Variants in TSPAN15 observed in about 807,000 individuals in gnomAD.
The protein encoded by TSPAN15 is tetraspanin-15.
TSPAN15 carries 20 observed loss-of-function variants against 34.5 expected under a neutral mutation model. The ratio of observed to expected loss-of-function variants is 0.58; its 90% confidence interval spans 0.41 to 0.84. TSPAN15 has a LOEUF of 0.84. Ranked by LOEUF, TSPAN15 falls within the 40% of genes least tolerant of loss-of-function variation. The probability of loss-of-function intolerance (pLI) is 0.00; values close to 1 mark genes in which losing one functional copy is unlikely to be tolerated. For synonymous variants in TSPAN15, 155 were observed against 153.9 expected, an observed-to-expected ratio of 1.01 and a Z score of -0.05; for missense variants, 313 against 386.1, an observed-to-expected ratio of 0.81 and a Z score of 1.59.
At chr10:69,500,515 C>T (rs1347714503) in intron 5 of TSPAN15, among the ~76,000 whole-genome samples, 1 of 152,100 alleles carries the variant, frequency 6.6e-6, no homozygotes, top group Non-Finnish European at 1.5e-5. Context: ...GGCTGGAGAC[C>T]CAGGAGAGCT....
chr10:69,502,758 C>A (rs527606919), intron 5 of TSPAN15, among the ~76,000 whole-genome samples: 53 of 152,272 alleles, frequency 3.5e-4, no homozygotes, highest in African/African-American at 1.3e-3. Context: ...GGGTTCTGGG[C>A]TCTGATGCCA....
intron 1 of TSPAN15, among the ~76,000 whole-genome samples, chr10:69,482,437 C>G (rs1352156940): frequency 1.3e-5 from 2 of 152,140 alleles, no homozygotes; most frequent in African/African-American, 4.8e-5. Flanking sequence ...GTGAGGGATT[C>G]TACTTGCGAA....
chr10:69,535,864 C>G, the TSPAN15 span, among the ~76,000 whole-genome samples: 1 of 152,350 alleles, frequency 6.6e-6, no homozygotes, highest in Admixed American at 6.5e-5. Flanking sequence ...GTCCATCCCT[C>G]ATCTCAAGGA....
At chr10:69,488,658 A>G (rs547255915) in intron 3 of TSPAN15, among the ~76,000 whole-genome samples, 1 of 152,362 alleles carries the variant, frequency 6.6e-6, no homozygotes, top group East Asian at 1.9e-4. Context: ...CAGTAGGACC[A>G]TGATGCCCAC....
At chr10:69,538,872 G>A in the TSPAN15 span, among the ~76,000 whole-genome samples, 1 of 152,348 alleles carries the variant, frequency 6.6e-6, no homozygotes, top group South Asian at 2.1e-4. Context: ...GTAGTGTGCA[G>A]TATGAAGAAA....
intron 5 of TSPAN15, among the ~76,000 whole-genome samples, chr10:69,503,689 C>T (rs866336944): frequency 2.6e-4 from 39 of 152,126 alleles, no homozygotes; most frequent in African/African-American, 8.9e-4. Flanking sequence ...TGTAGAGCAG[C>T]GGGGCTGGGG....
At chr10:69,517,250 C>T in the TSPAN15 span, among the ~76,000 whole-genome samples, 1 of 152,150 alleles carries the variant, frequency 6.6e-6, no homozygotes, top group African/African-American at 2.4e-5. Context: ...TGCCCCCAGC[C>T]CCAATATCCA....
chr10:69,527,943 T>G, the TSPAN15 span, among the ~76,000 whole-genome samples: 2 of 148,082 alleles, frequency 1.4e-5, no homozygotes, highest in Admixed American at 7.0e-5. Context: ...CTGAATATAC[T>G]AAAAACCATT....
At chr10:69,521,899 C>A in the TSPAN15 span, among the ~76,000 whole-genome samples, 1 of 147,594 alleles carries the variant, frequency 6.8e-6, no homozygotes, top group Non-Finnish European at 1.5e-5. Flanking sequence ...TATTGTATAT[C>A]TCTCTATATG....
At chr10:69,475,757 C>T (rs2133096728) in intron 1 of TSPAN15, among the ~76,000 whole-genome samples, 1 of 152,216 alleles carries the variant, frequency 6.6e-6, no homozygotes, top group Admixed American at 6.5e-5. Flanking sequence ...CACTTTGCTT[C>T]CTAGAGAGGT....
downstream of TSPAN15, among the ~76,000 whole-genome samples, chr10:69,509,433 A>AT (rs58393590): frequency 3.6e-3 from 538 of 148,172 alleles, 6 homozygotes; most frequent in East Asian, 0.024. Flanking sequence ...GGGTTGTTTG[A>AT]TTTTTTTTTT....
the TSPAN15 span, among the ~76,000 whole-genome samples, chr10:69,538,407 G>T: frequency 6.6e-6 from 1 of 152,208 alleles, no homozygotes; most frequent in Non-Finnish European, 1.5e-5. Flanking sequence ...AGAGGAGCAG[G>T]AGGTTTGTTT....
At chr10:69,489,397 C>T (rs1404232250) in intron 3 of TSPAN15, among the ~76,000 whole-genome samples, 5 of 152,006 alleles carry the variant, frequency 3.3e-5, no homozygotes, top group East Asian at 1.9e-4. Flanking sequence ...TCGTAGTGGC[C>T]GTAAGGTGAC....
chr10:69,478,210 G>A (rs1841657478), intron 1 of TSPAN15, among the ~76,000 whole-genome samples: 1 of 151,734 alleles, frequency 6.6e-6, no homozygotes, highest in South Asian at 2.1e-4. Context: ...GGTGGGCTTG[G>A]TCTGGGGCCA....
At chr10:69,451,758 C>T (rs1840973831) in intron 1 of TSPAN15, 68 bp downstream of exon 1, 2 of 1,307,776 alleles carry the variant, frequency 1.5e-6, no homozygotes, top group Admixed American at 3.2e-5. Context: ...CCTCACTGGC[C>T]CGGGGTTGGG....
the TSPAN15 span, among the ~76,000 whole-genome samples, chr10:69,519,145 G>A: frequency 1.3e-5 from 2 of 152,230 alleles, no homozygotes; most frequent in Admixed American, 6.5e-5. Context: ...GGCTGGGCGC[G>A]GTGGCCCAGG....
At chr10:69,456,785 G>A (rs1841121044) in intron 1 of TSPAN15, among the ~76,000 whole-genome samples, 1 of 152,188 alleles carries the variant, frequency 6.6e-6, no homozygotes, top group Non-Finnish European at 1.5e-5. Context: ...GGCATTGAAC[G>A]AGGAAAGCTC....
chr10:69,476,047 A>T (rs1002709845), intron 1 of TSPAN15, among the ~76,000 whole-genome samples: 7 of 152,254 alleles, frequency 4.6e-5, no homozygotes, highest in African/African-American at 1.7e-4. Context: ...CCCCAAACGG[A>T]TCTATAGATT....
intron 4 of TSPAN15, among the ~76,000 whole-genome samples, chr10:69,497,942 C>T (rs1405929213): frequency 1.3e-5 from 2 of 152,168 alleles, no homozygotes; most frequent in Non-Finnish European, 2.9e-5. Flanking sequence ...GCCATCTTTT[C>T]CAGCCTAGCA....
Sources: allele counts gnomAD v4.1 joint callset (sites outside exome capture counted in the v4.1 genomes callset), GRCh38; gene constraint gnomAD v4.1.1; transcripts MANE v1.5; gene names NCBI Gene and HGNC (gene_info 2026-07-23, HGNC 2026-07-21).